Variants in CCDC85C observed in about 807,000 individuals in gnomAD.
CCDC85C encodes the protein coiled-coil domain-containing protein 85C.
A neutral mutation model predicts 38.3 loss-of-function variants in CCDC85C; 18 were observed. The observed-to-expected ratio is 0.47, with a 90% CI of 0.33 to 0.70. The LOEUF (loss-of-function observed/expected upper bound fraction) is 0.70, where lower values mean the gene tolerates loss of function less well. Among genes scored for constraint, CCDC85C ranks in the 30% least tolerant of loss-of-function variants. The probability of loss-of-function intolerance (pLI) is 0.03; values close to 1 mark genes in which losing one functional copy is unlikely to be tolerated. For missense variants in CCDC85C, 566 were observed against 621.2 expected, an observed-to-expected ratio of 0.91 and a Z score of 0.94; for synonymous variants, 264 against 293.8, an observed-to-expected ratio of 0.90 and a Z score of 1.04.
chr14:99,541,282 T>C (rs1367157169), intron 1 of CCDC85C, among the ~76,000 whole-genome samples: 4 of 152,162 alleles, frequency 2.6e-5, no homozygotes, highest in African/African-American at 9.7e-5. Flanking sequence ...CGCTCAGCCA[T>C]GCATGTGACA....
At chr14:99,557,975 T>C (rs1898044697) in intron 1 of CCDC85C, among the ~76,000 whole-genome samples, 1 of 152,112 alleles carries the variant, frequency 6.6e-6, no homozygotes, top group South Asian at 2.1e-4. Context: ...CTTCCAAACA[T>C]AACATAAAAT....
rs1167649396 is a variant in CCDC85C, at chr14:99,603,444, GC to G, written c.515del (p.Gly172AlafsTer15). The stretch of plus-strand genomic sequence containing the variant: ...CGATGGAGCTGCGGGAGCCGGCGCC[GC>G]CCCCGCCGCCGCCGCCACCGCTTGC... Reference protein sequence around the residue: ...GAASGGGGGGGGAGSRSSIDS... With the variant: ...GAASGGGGGGXGAGSRSSIDS... On this transcript the variant is annotated frameshift_variant, in exon 1 of 6. Coordinates refer to ENST00000380243, the MANE Select transcript of CCDC85C (RefSeq NM_001144995.2). LOFTEE classifies it high-confidence loss of function. This position sits in a 1 kb window ranked among gnomAD's most constrained non-coding sequence, Gnocchi z 7.5. 7 of 1,270,528 alleles carry G rather than the reference GC, an allele frequency of 5.5e-6. No homozygotes were observed. In the Admixed American group the frequency reaches 1.2e-4, roughly 22 times the overall value. The allele number at this position is 1,270,528 out of a possible 1,614,324, so 78.7% of individuals were successfully genotyped here. A position where few individuals can be genotyped will look rare whatever the true frequency, so the allele number is the denominator to read the frequency against.
At chr14:99,595,182 C>G (rs764620343) in intron 1 of CCDC85C, among the ~76,000 whole-genome samples, 3 of 152,158 alleles carry the variant, frequency 2.0e-5, no homozygotes, top group Non-Finnish European at 4.4e-5. Flanking sequence ...CCAGCTGAAC[C>G]CAAGGTGCAG....
At chr14:99,587,303 C>T (rs577570862) in intron 1 of CCDC85C, among the ~76,000 whole-genome samples, 28 of 152,346 alleles carry the variant, frequency 1.8e-4, no homozygotes, top group African/African-American at 5.8e-4. Flanking sequence ...CCCCAACATC[C>T]TTGCAGGGCA....
intron 1 of CCDC85C, among the ~76,000 whole-genome samples, chr14:99,580,778 T>C (rs1209263310): frequency 1.3e-5 from 2 of 152,026 alleles, no homozygotes; most frequent in African/African-American, 4.8e-5. Context: ...AGCAGGAGAA[T>C]GGCTTGAACC....
intron 1 of CCDC85C, among the ~76,000 whole-genome samples, chr14:99,601,085 T>C (rs12590202): frequency 0.11 from 17,204 of 152,094 alleles, 1,928 homozygotes; most frequent in East Asian, 0.36. Context: ...CCTTTCCTGG[T>C]TTCCAAGCCT....
intron 1 of CCDC85C, among the ~76,000 whole-genome samples, chr14:99,549,738 AAACT>A (rs1161082787): frequency 6.6e-6 from 1 of 152,206 alleles, no homozygotes; most frequent in Non-Finnish European, 1.5e-5. Flanking sequence ...GTTTCACATA[AAACT>A]AACAGCAGGG....
At chr14:99,590,096 C>G (rs998155894) in intron 1 of CCDC85C, among the ~76,000 whole-genome samples, 1 of 152,216 alleles carries the variant, frequency 6.6e-6, no homozygotes, top group East Asian at 1.9e-4. Context: ...TCATGGGGGA[C>G]AAGCTTTTAA....
In CCDC85C at chr14:99,522,455, G is replaced by A. The variant is rs186248847; in HGVS notation, c.868-215C>T. On this transcript the variant is annotated intron_variant, in intron 2 of 5. Coordinates refer to ENST00000380243, the MANE Select transcript of CCDC85C (RefSeq NM_001144995.2). ...AAATGTCAGCGATCCACTCTCCAAC[G>A]TGGGCTTTGTAAACATTTGTTGGAT... The A allele has an allele frequency of 6.9e-5, 32 of 463,404 alleles. 1 individual carries two copies. The highest frequency in any genetic ancestry group is 6.2e-4 in the East Asian group (17 of 27,276). 28.7% of individuals were successfully genotyped at this position (463,404 alleles called of 1,614,324 possible). A position where few individuals can be genotyped will look rare whatever the true frequency, so the allele number is the denominator to read the frequency against.
chr14:99,510,999 T>A lies in CCDC85C; in HGVS notation c.*4247A>T, dbSNP rs549716119. On this transcript the variant is annotated 3_prime_UTR_variant, in exon 6 of 6. Transcript: ENST00000380243. ...AGTAGCCTCATCAGTGCCCTTGCAGTCTGACTGTGTACACTTGGTTCAGCT... is the reference window on the plus strand; with the variant it reads ...AGTAGCCTCATCAGTGCCCTTGCAGACTGACTGTGTACACTTGGTTCAGCT... 1.0e-5 allele frequency: 4 copies of A among 387,438 alleles called. No individual in the cohort carries two copies. In the East Asian group the frequency reaches 1.2e-4, roughly 11 times the overall value. 24.0% of individuals were successfully genotyped at this position (387,438 alleles called of 1,614,324 possible).
intron 1 of CCDC85C, among the ~76,000 whole-genome samples, chr14:99,554,945 G>A (rs1897982092): frequency 6.6e-6 from 1 of 152,216 alleles, no homozygotes; most frequent in South Asian, 2.1e-4. Flanking sequence ...GGCACAGATG[G>A]ACATAGGCCC....
At position 99,544,842 on chromosome 14, in the gene CCDC85C, G is replaced by A. The variant is rs543826992; in HGVS notation, c.794-8754C>T. On this transcript the variant is annotated intron_variant, in intron 1 of 5. Transcript: ENST00000380243. This position sits in a 1 kb window ranked among gnomAD's most constrained non-coding sequence, Gnocchi z 5.3. The stretch of plus-strand genomic sequence containing the variant: ...CTCGCCAGGTCACACATGGCCTGCA[G>A]GCTGGCACCAGCTTCCCCTGAGATC... 1.1e-4 allele frequency among the ~76,000 whole-genome samples: 16 copies of A among 152,256 alleles called. No individual in the cohort carries two copies. The highest frequency in any genetic ancestry group is 2.1e-4 in the Non-Finnish European group (14 of 68,024).
chr14:99,534,673 A>G (rs567927977), intron 2 of CCDC85C: 165 of 701,680 alleles, frequency 2.4e-4, no homozygotes, highest in Non-Finnish European at 3.4e-5. Context: ...GCTTCCACAC[A>G]CCCTCCTTAG....
At chr14:99,522,383 A>G (rs927476710) in intron 2 of CCDC85C, 143 bp from the exon 3 acceptor site, 3 of 595,920 alleles carry the variant, frequency 5.0e-6, no homozygotes, top group Admixed American at 3.0e-5. Context: ...CACACCGCTT[A>G]TCCATCCCCC....
intron 2 of CCDC85C, chr14:99,522,910 T>TTGGGGC (rs1897322321): frequency 6.6e-6 from 1 of 152,262 alleles, no homozygotes; most frequent in Non-Finnish European, 1.5e-5. Context: ...CCCCCAGAAT[T>TTGGGGC]TGGGGCTGGG....
intron 1 of CCDC85C, among the ~76,000 whole-genome samples, chr14:99,560,448 G>C (rs1898095050): frequency 6.6e-6 from 1 of 152,222 alleles, no homozygotes; most frequent in African/African-American, 2.4e-5. Flanking sequence ...GAACCTCAGG[G>C]GAGGCAGGAG....
At chr14:99,523,590 A>T (rs1466855657) in intron 2 of CCDC85C, among the ~76,000 whole-genome samples, 4 of 152,176 alleles carry the variant, frequency 2.6e-5, no homozygotes, top group Non-Finnish European at 4.4e-5. Context: ...CACGCCCACC[A>T]GACGCCGGTC....
At chr14:99,586,791 C>T (rs1004657749) in intron 1 of CCDC85C, among the ~76,000 whole-genome samples, 3 of 152,128 alleles carry the variant, frequency 2.0e-5, no homozygotes, top group Admixed American at 6.5e-5. Context: ...TCTGCTCTGC[C>T]GGCCGCCCCT....
chr14:99,603,652 C>A lies in CCDC85C; in HGVS notation c.308G>T (p.Arg103Leu). Residue 103 changes from arginine (R) to leucine (L), a missense_variant, in exon 1 of 6, where the codon CGC (arginine) becomes CTC (leucine). Arg to Leu is a moderately radical substitution (Grantham distance 102). Coordinates refer to ENST00000380243, the MANE Select transcript of CCDC85C (RefSeq NM_001144995.2). This position sits in a 1 kb window ranked among gnomAD's most constrained non-coding sequence, Gnocchi z 7.5. ...GTGGCGCCCGAAGCGCTGCCACTCGCGCGCCAGCTTGCGCCCCTTCTGCCG... is the reference window on the plus strand; with the variant it reads ...GTGGCGCCCGAAGCGCTGCCACTCGAGCGCCAGCTTGCGCCCCTTCTGCCG... The part of the protein sequence containing the change: ...DDRQKGRKLA[R>L]EWQRFGRHAA... The A allele has an allele frequency of 1.4e-6, 2 of 1,479,356 alleles. No individual in the cohort carries two copies. Among genetic ancestry groups the A allele is most frequent in the Admixed American group, 2.2e-5 (1 of 46,140 alleles). The allele number at this position is 1,479,356 out of a possible 1,614,324, so 91.6% of individuals were successfully genotyped here.
Sources: allele counts gnomAD v4.1 joint callset (sites outside exome capture counted in the v4.1 genomes callset), GRCh38; gene constraint gnomAD v4.1.1; non-coding constraint Gnocchi (gnomAD v3.1); transcripts MANE v1.5; gene names NCBI Gene and HGNC (gene_info 2026-07-23, HGNC 2026-07-21).